The following IRAG1 variants were observed in gnomAD, a reference collection of about 807,000 sequenced individuals.
IRAG1 encodes IP3R-associated cGMP kinase substrate.
Under a neutral mutation model 106.2 loss-of-function variants are expected in IRAG1, and 62 were observed. The observed-to-expected ratio is 0.58, with a 90% CI of 0.48 to 0.72. The LOEUF (loss-of-function observed/expected upper bound fraction) is 0.72, where lower values mean the gene tolerates loss of function less well. IRAG1 is among the 30% of genes least tolerant of loss of function. The pLI is 0.00. For synonymous variants in IRAG1, 462 were observed against 443.9 expected (o/e 1.04, Z -0.51); for missense variants, 1,064 against 1,140.7 (o/e 0.93, Z 0.97).
intron 1 of IRAG1, among the ~76,000 whole-genome samples, chr11:10,671,513 A>G (rs918068760): frequency 3.3e-5 from 5 of 152,178 alleles, no homozygotes; most frequent in South Asian, 4.1e-4. Context: ...GGAGTTTGAG[A>G]CCAGCTTGGC....
In IRAG1 at chr11:10,630,714, C is replaced by A. The variant is rs79970890; in HGVS notation, c.401-1003G>T. On this transcript the variant is annotated intron_variant, in intron 4 of 20. Coordinates refer to ENST00000423302, the MANE Select transcript of IRAG1 (RefSeq NM_130385.4). ...GGGCTCAGCCAGTCTTGCTGGCCCC[C>A]ACATACTCCTCCCAAGTCCCTCCAC... Among the ~76,000 whole-genome samples, 917 of 152,318 alleles carry A rather than the reference C, an allele frequency of 6.0e-3. 4 individuals are homozygous for A. The highest frequency in any genetic ancestry group is 0.021 in the African/African-American group (884 of 41,544).
chr11:10,652,261 G>A, intron 1 of IRAG1, 79 bp from the exon 2 acceptor site: 1 of 1,580,782 alleles, frequency 6.3e-7, no homozygotes. Context: ...GGAGCCACAA[G>A]CCACAGTGAG....
chr11:10,654,579 C>T (rs898917557), intron 1 of IRAG1, among the ~76,000 whole-genome samples: 2 of 152,164 alleles, frequency 1.3e-5, no homozygotes, highest in African/African-American at 4.8e-5. Context: ...GGGCTGGTGA[C>T]ATAAAGATAA....
At chr11:10,674,558 A>G (rs182969564) in intron 1 of IRAG1, among the ~76,000 whole-genome samples, 149 of 152,266 alleles carry the variant, frequency 9.8e-4, no homozygotes, top group African/African-American at 3.5e-3. Context: ...CAGCCACACC[A>G]GCACCACTCC....
At chr11:10,650,426 G>C (rs149810602) in intron 2 of IRAG1, among the ~76,000 whole-genome samples, 1,985 of 152,278 alleles carry the variant, frequency 0.013, 39 homozygotes, top group African/African-American at 0.045. Context: ...TCTTGGGGCA[G>C]CTGTTTGGGG....
intron 18 of IRAG1, among the ~76,000 whole-genome samples, chr11:10,588,133 GTAAA>G (rs1256216566): frequency 2.6e-5 from 4 of 152,156 alleles, no homozygotes; most frequent in Non-Finnish European, 5.9e-5. Context: ...CATCAGTGCA[GTAAA>G]TAGTTAACAG....
In IRAG1 at chr11:10,628,325, C is replaced by T. The variant is rs143795865; in HGVS notation, c.653-300G>A. 5.5e-3 allele frequency among the ~76,000 whole-genome samples: 837 copies of T among 152,288 alleles called. 7 individuals carry two copies. Among genetic ancestry groups the T allele is most frequent in the African/African-American group, 0.019 (799 of 41,560 alleles). On this transcript the variant is annotated intron_variant, in intron 6 of 20. Transcript: ENST00000423302. This position sits in a 1 kb window ranked among gnomAD's most constrained non-coding sequence, Gnocchi z 4.1. ...CGTGCCCTGCCGCACTGATGAGGGC[C>T]GGTTGCCCTTCCTGGCACCCTCCCC...
At chr11:10,618,001 T>C (rs756158919) in intron 10 of IRAG1, among the ~76,000 whole-genome samples, 18 of 152,248 alleles carry the variant, frequency 1.2e-4, no homozygotes, top group Non-Finnish European at 2.4e-4. Flanking sequence ...AGGCTTCTCT[T>C]TCCAAAGTGT....
intron 15 of IRAG1, among the ~76,000 whole-genome samples, chr11:10,597,494 T>A (rs114527818): frequency 0.043 from 6,607 of 152,112 alleles, 160 homozygotes; most frequent in South Asian, 0.056. Flanking sequence ...TCTGACTAAT[T>A]GCTTTTTATT....
Position 10,591,598 on chromosome 11 carries a change from A to C in IRAG1, c.2190T>G (p.Asn730Lys). 6.3e-7 allele frequency: 1 copy of C among 1,595,756 alleles called. No individual in the cohort carries two copies. The highest frequency in any genetic ancestry group is 8.5e-7 in the Non-Finnish European group (1 of 1,171,068). Residue 730 changes from asparagine (N) to lysine (K), a missense_variant, in exon 18 of 21, where the codon AAT (asparagine) becomes AAG (lysine). Coordinates refer to ENST00000423302, the MANE Select transcript of IRAG1 (RefSeq NM_130385.4). The stretch of plus-strand genomic sequence containing the variant: ...AAGTGACAGGTAGGCTGCCTTTCCC[A>C]TTGGGTGATTCCGACTGAGTGAAAA... ...PSLPALSESP[N>K]GKGSLPVTSA...
intron 10 of IRAG1, among the ~76,000 whole-genome samples, chr11:10,615,704 T>C (rs1397179430): frequency 2.6e-5 from 4 of 152,096 alleles, no homozygotes; most frequent in South Asian, 4.1e-4. Flanking sequence ...ACACCGCATG[T>C]TCTCACTCAT....
chr11:10,607,271 G>T (rs773982715), intron 11 of IRAG1, among the ~76,000 whole-genome samples: 1 of 152,204 alleles, frequency 6.6e-6, no homozygotes, highest in Non-Finnish European at 1.5e-5. Context: ...GGTCTGCAAA[G>T]CCTCACCCTC....
intron 9 of IRAG1, among the ~76,000 whole-genome samples, chr11:10,625,078 G>C (rs1856133655): frequency 6.6e-6 from 1 of 152,196 alleles, no homozygotes; most frequent in Admixed American, 6.5e-5. Flanking sequence ...AGAGCATCAT[G>C]AAGGTATCTG....
At chr11:10,629,284 G>C (rs1278882448) in intron 5 of IRAG1, among the ~76,000 whole-genome samples, 1 of 152,152 alleles carries the variant, frequency 6.6e-6, no homozygotes. Flanking sequence ...TCTGGGCCCA[G>C]GAAAACCTTC....
chr11:10,664,747 A>G (rs956741586), intron 1 of IRAG1, among the ~76,000 whole-genome samples: 1 of 152,230 alleles, frequency 6.6e-6, no homozygotes, highest in South Asian at 2.1e-4. Context: ...GCAAGAAGAC[A>G]TTACTGGGCA....
Position 10,634,000 on chromosome 11 carries a change from T to C in IRAG1, c.297A>G (p.Pro99=), listed in dbSNP as rs1856941860. The C allele has an allele frequency of 6.2e-7, 1 of 1,612,430 alleles. No individual in the cohort carries two copies. Among genetic ancestry groups the C allele is most frequent in the Admixed American group, 1.7e-5 (1 of 59,910 alleles). ...TIVLTGDATS[P]EGETDKNLAN... ...CCAGGTTTTTGTCGGTTTCTCCTTC[T>C]GGTGAAGTGGCATCCCCAGTCAGGA... The change falls in exon 3 of 21, where the codon CCA becomes CCG. Residue 99 remains proline (P), a synonymous_variant. Transcript: ENST00000423302.
chr11:10,599,002 G>A (rs1424650125), intron 15 of IRAG1, among the ~76,000 whole-genome samples: 1 of 152,208 alleles, frequency 6.6e-6, no homozygotes, highest in Non-Finnish European at 1.5e-5. Flanking sequence ...CCTGCTGAGT[G>A]GTTACGGCCA....
intron 1 of IRAG1, among the ~76,000 whole-genome samples, chr11:10,675,477 C>T (rs1405152728): frequency 6.6e-6 from 1 of 152,178 alleles, no homozygotes; most frequent in Non-Finnish European, 1.5e-5. Flanking sequence ...GCAGAAGTGG[C>T]CTGGGTGGCT....
At position 10,628,034 on chromosome 11, in the gene IRAG1, G is replaced by A. The variant is rs1231576966; in HGVS notation, c.653-9C>T. ...ACTGCACACATCCAAACCTGGAAGGGTCCAGACACTAGTGAGTGAGGCCCA... is the reference window on the plus strand; with the variant it reads ...ACTGCACACATCCAAACCTGGAAGGATCCAGACACTAGTGAGTGAGGCCCA... On this transcript the variant is annotated splice_polypyrimidine_tract_variant and intron_variant, in intron 6 of 20. Coordinates refer to ENST00000423302, the MANE Select transcript of IRAG1 (RefSeq NM_130385.4). This position sits in a 1 kb window ranked among gnomAD's most constrained non-coding sequence, Gnocchi z 4.1. 2 of 1,613,808 alleles carry A rather than the reference G, an allele frequency of 1.2e-6. No homozygotes were observed. The highest frequency in any genetic ancestry group is 4.5e-5 in the East Asian group (2 of 44,874).
Sources: gnomAD v4.1 joint callset for allele counts (sites outside exome capture counted in the v4.1 genomes callset) on GRCh38, gnomAD v4.1.1 for gene constraint, Gnocchi (gnomAD v3.1) non-coding constraint, MANE v1.5 for transcripts, NCBI Gene and HGNC (gene_info 2026-07-23, HGNC 2026-07-21) for gene names.